TBL1XR1: variants seen among roughly 807,000 people sequenced by gnomAD.
The protein encoded by TBL1XR1 is F-box-like/WD repeat-containing protein TBL1XR1.
Under a neutral mutation model 66.9 loss-of-function variants are expected in TBL1XR1, and 5 were observed. That is an observed-to-expected ratio of 0.07 (90% confidence interval 0.04 to 0.16). The LOEUF (loss-of-function observed/expected upper bound fraction) is 0.16, where lower values mean the gene tolerates loss of function less well. TBL1XR1 is among the 10% of genes least tolerant of loss of function. The pLI is 1.00. For missense variants in TBL1XR1, 238 were observed against 623.2 expected, an observed-to-expected ratio of 0.38 and a Z score of 6.58; for synonymous variants, 210 against 206.0, an observed-to-expected ratio of 1.02 and a Z score of -0.17.
chr3:177,076,724 A>C (rs562154116), intron 2 of TBL1XR1, among the ~76,000 whole-genome samples: 1 of 152,328 alleles, frequency 6.6e-6, no homozygotes, highest in South Asian at 2.1e-4. Flanking sequence ...TAAAACAAAA[A>C]ACAAAACTAA....
intron 2 of TBL1XR1, among the ~76,000 whole-genome samples, chr3:177,093,391 C>G (rs187495800): frequency 6.6e-6 from 1 of 152,238 alleles, no homozygotes; most frequent in East Asian, 1.9e-4. Context: ...TGAAAATGAC[C>G]ACACTGCCAA....
At chr3:177,059,963 T>C (rs1236090511) in intron 3 of TBL1XR1, among the ~76,000 whole-genome samples, 1 of 152,194 alleles carries the variant, frequency 6.6e-6, no homozygotes, top group East Asian at 1.9e-4. Context: ...CCCTCGAACA[T>C]CAGATTCCAA....
intron 4 of TBL1XR1, among the ~76,000 whole-genome samples, 191 bp from the exon 5 acceptor site, chr3:177,051,917 A>G (rs987232492): frequency 4.1e-4 from 63 of 152,294 alleles, no homozygotes; most frequent in African/African-American, 1.5e-3. Context: ...GACTGCTTAC[A>G]TTTTCCTTTT....
At chr3:177,061,231 C>T (rs1718475950) in intron 3 of TBL1XR1, among the ~76,000 whole-genome samples, 1 of 152,070 alleles carries the variant, frequency 6.6e-6, no homozygotes, top group African/African-American at 2.4e-5. Flanking sequence ...TCCACAGCAA[C>T]GTATTTTATA....
At chr3:177,185,565 G>A (rs560514630) in intron 1 of TBL1XR1, among the ~76,000 whole-genome samples, 8 of 151,074 alleles carry the variant, frequency 5.3e-5, no homozygotes, top group African/African-American at 9.7e-5. Context: ...CAAGATCAAC[G>A]CCATTGCACT....
intron 1 of TBL1XR1, among the ~76,000 whole-genome samples, chr3:177,140,018 A>G (rs1729456563): frequency 6.6e-6 from 1 of 152,160 alleles, no homozygotes; most frequent in Non-Finnish European, 1.5e-5. Flanking sequence ...AATACCTTGA[A>G]ACAGCCAGGT....
At chr3:177,127,462 T>C (rs1444881881) in intron 1 of TBL1XR1, among the ~76,000 whole-genome samples, 1 of 152,232 alleles carries the variant, frequency 6.6e-6, no homozygotes, top group Admixed American at 6.5e-5. Flanking sequence ...AAACACAGTA[T>C]CTGGTATAGC....
At chr3:177,185,183 G>C in intron 1 of TBL1XR1, among the ~76,000 whole-genome samples, 1 of 152,142 alleles carries the variant, frequency 6.6e-6, no homozygotes, top group South Asian at 2.1e-4. Context: ...CAACAGCATT[G>C]TTATCAGTCT....
chr3:177,129,963 G>A (rs557218090), intron 1 of TBL1XR1, among the ~76,000 whole-genome samples: 5 of 152,056 alleles, frequency 3.3e-5, no homozygotes, highest in African/African-American at 9.6e-5. Flanking sequence ...TGGCCAACAC[G>A]CCAAACCCGT....
intron 1 of TBL1XR1, among the ~76,000 whole-genome samples, chr3:177,180,532 A>G (rs1018199552): frequency 3.9e-5 from 6 of 152,128 alleles, no homozygotes; most frequent in African/African-American, 1.4e-4. Context: ...TATCACTAAA[A>G]TACTGTTGCA....
At chr3:177,162,308 AG>A (rs1294422552) in intron 1 of TBL1XR1, among the ~76,000 whole-genome samples, 1 of 152,238 alleles carries the variant, frequency 6.6e-6, no homozygotes, top group East Asian at 1.9e-4. Flanking sequence ...TAGTGAACAC[AG>A]GTCAATACAG....
At chr3:177,097,374 A>AT (rs1480734206) in intron 2 of TBL1XR1, among the ~76,000 whole-genome samples, 1 of 152,056 alleles carries the variant, frequency 6.6e-6, no homozygotes. Context: ...TCGGTAAGAA[A>AT]TTTTTTTTAA....
chr3:177,130,453 T>C (rs542042657), intron 1 of TBL1XR1, among the ~76,000 whole-genome samples: 2 of 152,118 alleles, frequency 1.3e-5, no homozygotes, highest in Non-Finnish European at 2.9e-5. Flanking sequence ...AGTTAGGCAA[T>C]AAAAGCAGTG....
At chr3:177,171,754 T>C (rs114803937) in intron 1 of TBL1XR1, among the ~76,000 whole-genome samples, 8 of 83,168 alleles carry the variant, frequency 9.6e-5, no homozygotes, top group Non-Finnish European at 2.1e-4. Context: ...AAAAAAGAAA[T>C]CCAGGGCTTT....
chr3:177,063,535 T>C (rs993592864), intron 3 of TBL1XR1, among the ~76,000 whole-genome samples: 1 of 152,188 alleles, frequency 6.6e-6, no homozygotes, highest in African/African-American at 2.4e-5. Context: ...CCCAACAAAT[T>C]TTTTCCATTT....
At chr3:177,058,812 A>G (rs73185600) in intron 3 of TBL1XR1, among the ~76,000 whole-genome samples, 11,557 of 152,298 alleles carry the variant, frequency 0.076, 527 homozygotes, top group Admixed American at 0.15. Context: ...GGCAACTATT[A>G]AAGGACCATT....
chr3:177,150,191 C>G (rs1336193748), intron 1 of TBL1XR1, among the ~76,000 whole-genome samples: 1 of 152,140 alleles, frequency 6.6e-6, no homozygotes, highest in Non-Finnish European at 1.5e-5. Flanking sequence ...TCTTAATTGT[C>G]TTCCCCAGAA....
chr3:177,052,770 G>C (rs1172013783), intron 4 of TBL1XR1, among the ~76,000 whole-genome samples: 1 of 152,164 alleles, frequency 6.6e-6, no homozygotes, highest in Non-Finnish European at 1.5e-5. Flanking sequence ...GTTAATCTCT[G>C]AAATAGAAGT....
chr3:177,200,209 T>A (rs1204015175), upstream of TBL1XR1, among the ~76,000 whole-genome samples: 1 of 152,108 alleles, frequency 6.6e-6, no homozygotes, highest in Non-Finnish European at 1.5e-5. Flanking sequence ...CGACCTCAAG[T>A]CATCTGCCTG....
Sources: gnomAD v4.1 joint callset for allele counts (sites outside exome capture counted in the v4.1 genomes callset) on GRCh38, gnomAD v4.1.1 for gene constraint, MANE v1.5 for transcripts, NCBI Gene and HGNC (gene_info 2026-07-23, HGNC 2026-07-21) for gene names.